Variants in CYB5R3 observed in about 807,000 individuals in gnomAD.
The protein encoded by CYB5R3 is cytochrome b5 reductase 3, also known as NADH-cytochrome b5 reductase 3.
Under a neutral mutation model 36.5 loss-of-function variants are expected in CYB5R3, and 28 were observed. That is an observed-to-expected ratio of 0.77 (90% CI 0.57 to 1.05). The LOEUF is 1.05. Ranked by LOEUF, CYB5R3 falls within the 50% of genes least tolerant of loss-of-function variation. The pLI, the probability that CYB5R3 is intolerant of heterozygous loss-of-function variation, is 0.00. For missense variants in CYB5R3, 474 were observed against 408.9 expected (o/e 1.16, Z -1.37); for synonymous variants, 181 against 159.8 (o/e 1.13, Z -1.00).
chr22:42,630,755 C>A (rs1346343766), intron 4 of CYB5R3, 127 bp downstream of exon 4: 6 of 801,166 alleles, frequency 7.5e-6, no homozygotes, highest in East Asian at 2.7e-5. Flanking sequence ...GGAAGTGGGG[C>A]AGCCATGACC....
chr22:42,647,752 G>C (rs8190381), intron 1 of CYB5R3, among the ~76,000 whole-genome samples: 1 of 151,928 alleles, frequency 6.6e-6, no homozygotes, highest in African/African-American at 2.4e-5. Context: ...ATATTGGCAC[G>C]TGCCTGTACT....
chr22:42,636,798 T>G lies in CYB5R3; in HGVS notation c.70A>C (p.Met24Leu), dbSNP rs764830133. ...GGCGTGGAGCGCTGGAACAGCTTCA[T>G]GAGCAGACTGTACAGGAACCAGACT... ...FPVWFLYSLL[M>L]KLFQRSTPAI... The change falls in exon 2 of 9, where the codon ATG (methionine) becomes CTG (leucine). Residue 24 changes from methionine to leucine, a missense_variant. Physicochemically the swap from Met to Leu is conservative, Grantham distance 15 (BLOSUM62 2). Transcript: ENST00000352397. The G allele has an allele frequency of 1.2e-6, 2 of 1,613,876 alleles. No homozygotes were observed. The highest frequency in any genetic ancestry group is 1.3e-5 in the African/African-American group (1 of 74,938).
intron 2 of CYB5R3, among the ~76,000 whole-genome samples, chr22:42,633,948 A>T (rs991805792): frequency 6.6e-6 from 1 of 151,968 alleles, no homozygotes; most frequent in African/African-American, 2.4e-5. Context: ...AAACAAAACA[A>T]CCCACCAATA....
At chr22:42,630,414 C>T (rs1038992016) in intron 4 of CYB5R3, among the ~76,000 whole-genome samples, 4 of 152,182 alleles carry the variant, frequency 2.6e-5, no homozygotes, top group Non-Finnish European at 4.4e-5. Context: ...TGCCTCACCC[C>T]GCACACTCGG....
At chr22:42,646,882 G>A in intron 1 of CYB5R3, 2 of 985,602 alleles carry the variant, frequency 2.0e-6, no homozygotes, top group Non-Finnish European at 1.2e-6. Context: ...CCGGCAGACT[G>A]TACCTGTCAG....
At position 42,624,229 on chromosome 22, in the gene CYB5R3, G is replaced by A. The variant is rs1028683098; in HGVS notation, c.634-341C>T. The stretch of plus-strand genomic sequence containing the variant: ...GCGCGACAGCAAAAAGGGAAGAGAC[G>A]GGAAATGTGCCAAGATACTCCAGGG... On this transcript the variant is annotated intron_variant, in intron 7 of 8. Coordinates refer to ENST00000352397, the MANE Select transcript of CYB5R3 (RefSeq NM_000398.7). Among the ~76,000 whole-genome samples the A allele has an allele frequency of 5.3e-5, 8 of 152,348 alleles. No homozygotes were observed. In the South Asian group the frequency reaches 8.3e-4, roughly 16 times the overall value.
chr22:42,619,053 C>T lies in CYB5R3; in HGVS notation c.*720G>A, dbSNP rs1214013698. 6.6e-6 allele frequency: 1 copy of T among 152,648 alleles called. No homozygotes were observed. The highest frequency in any genetic ancestry group is 1.5e-5 in the Non-Finnish European group (1 of 68,428). 9.5% of individuals were successfully genotyped at this position (152,648 alleles called of 1,614,324 possible). A position where few individuals can be genotyped will look rare whatever the true frequency, so the allele number is the denominator to read the frequency against. On this transcript the variant is annotated 3_prime_UTR_variant, in exon 9 of 9. Transcript: ENST00000352397. ...GAGTTCTGCCATCAGGGATGGTGGCCCCAGCCCAGGACCCCAAAACCCTGA... is the reference window on the plus strand; with the variant it reads ...GAGTTCTGCCATCAGGGATGGTGGCTCCAGCCCAGGACCCCAAAACCCTGA...
chr22:42,630,152 C>T (rs755954308), intron 4 of CYB5R3, among the ~76,000 whole-genome samples: 15 of 152,154 alleles, frequency 9.9e-5, no homozygotes, highest in Non-Finnish European at 1.9e-4. Flanking sequence ...GTCATGCTGC[C>T]TCTTACTTCC....
chr22:42,630,609 G>A (rs1462633611), intron 4 of CYB5R3, among the ~76,000 whole-genome samples: 2 of 152,176 alleles, frequency 1.3e-5, no homozygotes, highest in Non-Finnish European at 2.9e-5. Context: ...CCCTTCTTTG[G>A]CTTTTGTTGG....
intron 8 of CYB5R3, 24 bp from the exon 9 acceptor site, chr22:42,619,969 G>A: frequency 6.3e-7 from 1 of 1,576,214 alleles, no homozygotes; most frequent in Non-Finnish European, 8.6e-7. Flanking sequence ...GACCAGGTAA[G>A]CTGACGTGTG....
chr22:42,623,707 C>G, intron 8 of CYB5R3, 82 bp downstream of exon 8: 1 of 1,216,378 alleles, frequency 8.2e-7, no homozygotes, highest in Non-Finnish European at 1.2e-6. Context: ...CGTCCAAAGG[C>G]TCAACGCCAC....
At position 42,619,855 on chromosome 22, in the gene CYB5R3, C is replaced by T; in HGVS notation, c.824G>A (p.Gly275Asp). ...PEEEPLVLMC[G>D]PPPMIQYACL... Reference sequence around the variant, plus strand: ...GGCGTACTGGATCATGGGTGGGGGGCCACACATCAGCACCAGCGGCTCCTC... The same window carrying T: ...GGCGTACTGGATCATGGGTGGGGGGTCACACATCAGCACCAGCGGCTCCTC... The change falls in exon 9 of 9, where the codon GGC becomes GAC. Residue 275 changes from glycine to aspartate, a missense_variant. Transcript: ENST00000352397. The T allele has an allele frequency of 1.2e-6, 2 of 1,606,134 alleles. No individual in the cohort carries two copies. Among genetic ancestry groups the T allele is most frequent in the South Asian group, 1.1e-5 (1 of 89,554 alleles).
intron 1 of CYB5R3, among the ~76,000 whole-genome samples, chr22:42,637,540 G>A (rs747712392): frequency 2.9e-4 from 44 of 152,226 alleles, no homozygotes; most frequent in Non-Finnish European, 4.4e-4. Context: ...GCGAAGCACT[G>A]AGCCAGGCAC....
chr22:42,627,553 A>G, intron 6 of CYB5R3, 52 bp downstream of exon 6: 1 of 1,562,494 alleles, frequency 6.4e-7, no homozygotes, highest in Non-Finnish European at 8.8e-7. Flanking sequence ...CCACACCCCA[A>G]CCCCACCCTT....
In CYB5R3 at chr22:42,636,714, C is replaced by T; in HGVS notation, c.153+1G>A. ...AGGCAGCGGCGGCGGCCGGCACTCACCTCCCGGTCGATGAGCCGCAGCGGG... is the reference window on the plus strand; with the variant it reads ...AGGCAGCGGCGGCGGCCGGCACTCATCTCCCGGTCGATGAGCCGCAGCGGG... On this transcript the variant is annotated splice_donor_variant, in intron 2 of 8. Transcript: ENST00000352397. LOFTEE classifies it high-confidence loss of function. The T allele has an allele frequency of 6.2e-7, 1 of 1,611,408 alleles. No individual in the cohort carries two copies. Among genetic ancestry groups the T allele is most frequent in the Non-Finnish European group, 8.5e-7 (1 of 1,179,756 alleles).
chr22:42,646,339 C>T (rs188845911), intron 1 of CYB5R3, among the ~76,000 whole-genome samples: 80 of 152,306 alleles, frequency 5.3e-4, no homozygotes, highest in African/African-American at 1.9e-3. Context: ...CATCACCCGC[C>T]TCTCCTTGCC....
rs547293392 is a variant in CYB5R3 at position 42,618,410 on chromosome 22, G to A, written c.*1363C>T. 6.7e-6 allele frequency: 1 copy of A among 149,734 alleles called. No homozygotes were observed. The highest frequency in any genetic ancestry group is 2.5e-5 in the African/African-American group (1 of 40,494). 9.3% of individuals were successfully genotyped at this position (149,734 alleles called of 1,614,324 possible). On this transcript the variant is annotated 3_prime_UTR_variant, in exon 9 of 9. Transcript: ENST00000352397. Reference sequence around the variant, plus strand: ...AAATTAGCCGGGCGTAGTGGCGGGCGCCTGTAGTCCCAGCTACTTGGGAGG... The same window carrying A: ...AAATTAGCCGGGCGTAGTGGCGGGCACCTGTAGTCCCAGCTACTTGGGAGG...
chr22:42,644,646 T>C, intron 1 of CYB5R3: 1 of 1,429,340 alleles, frequency 7.0e-7, no homozygotes, highest in Non-Finnish European at 9.2e-7. Context: ...AGGATTCCTC[T>C]GCTATCGACC....
At chr22:42,628,753 G>A (rs1928445928) in intron 4 of CYB5R3, among the ~76,000 whole-genome samples, 1 of 152,208 alleles carries the variant, frequency 6.6e-6, no homozygotes, top group African/African-American at 2.4e-5. Context: ...TAGGATTACT[G>A]TCTTGGGAAA....
Sources: gnomAD v4.1 joint callset for allele counts (sites outside exome capture counted in the v4.1 genomes callset) on GRCh38, gnomAD v4.1.1 for gene constraint, MANE v1.5 for transcripts, NCBI Gene and HGNC (gene_info 2026-07-23, HGNC 2026-07-21) for gene names.